GABRB3: variants seen among roughly 807,000 people sequenced by gnomAD.
GABRB3 encodes the protein gamma-aminobutyric acid receptor subunit beta-3.
In GABRB3, 14 loss-of-function variants were observed where a neutral mutation model predicts 52.1. That is an observed-to-expected ratio of 0.27 (90% CI 0.18 to 0.42). The LOEUF is 0.42. GABRB3 is among the 10% of genes least tolerant of loss of function. The probability of loss-of-function intolerance (pLI) is 1.00; values close to 1 mark genes in which losing one functional copy is unlikely to be tolerated. For synonymous variants in GABRB3, 260 were observed against 232.3 expected, an observed-to-expected ratio of 1.12 and a Z score of -1.08; for missense variants, 307 against 609.1, an observed-to-expected ratio of 0.50 and a Z score of 5.22.
intron 3 of GABRB3, among the ~76,000 whole-genome samples, chr15:26,716,368 C>T (rs1185721076): frequency 6.6e-6 from 1 of 152,182 alleles, no homozygotes; most frequent in East Asian, 1.9e-4. Context: ...GAACCACAGG[C>T]TCCTAAAACC....
At chr15:26,560,123 A>G (rs899579366) in intron 8 of GABRB3, among the ~76,000 whole-genome samples, 1 of 152,168 alleles carries the variant, frequency 6.6e-6, no homozygotes, top group Admixed American at 6.5e-5. Flanking sequence ...TTCTTTCCAG[A>G]CCCACAGGTT....
intron 3 of GABRB3, among the ~76,000 whole-genome samples, chr15:26,670,672 C>T (rs28537327): frequency 0.015 from 2,229 of 152,294 alleles, 55 homozygotes; most frequent in African/African-American, 0.051. Context: ...GAGGATGATA[C>T]TACTGACACT....
chr15:26,554,126 T>TGTATATATATATATAAA (rs1160471989), intron 8 of GABRB3, among the ~76,000 whole-genome samples: 5 of 26,224 alleles, frequency 1.9e-4, no homozygotes, highest in African/African-American at 4.2e-4. Flanking sequence ...AAAGTGTGTG[T>TGTATATATATATATAAA]GTATATATAT....
chr15:26,729,602 G>A (rs142226474), intron 3 of GABRB3, among the ~76,000 whole-genome samples: 250 of 152,294 alleles, frequency 1.6e-3, no homozygotes, highest in Middle Eastern at 0.014. Context: ...ATTCTCTGTG[G>A]ATGTGGAGGG....
At chr15:26,761,940 C>G (rs913667808) in intron 3 of GABRB3, among the ~76,000 whole-genome samples, 1 of 152,134 alleles carries the variant, frequency 6.6e-6, no homozygotes, top group African/African-American at 2.4e-5. Flanking sequence ...GTTCAAGATT[C>G]TTGTGACTCA....
chr15:26,773,536 C>T (rs925174009), upstream of GABRB3: 171 of 747,532 alleles, frequency 2.3e-4, 1 homozygote, highest in Admixed American at 7.8e-5. Context: ...CGACCACCGC[C>T]CGCTGCAGCG....
chr15:26,582,252 T>C (rs1890816142), intron 5 of GABRB3, among the ~76,000 whole-genome samples: 2 of 152,238 alleles, frequency 1.3e-5, no homozygotes, highest in Admixed American at 1.3e-4. Flanking sequence ...ACTGTGTGAC[T>C]TGACAGTTGA....
chr15:26,672,620 A>C (rs917916731), intron 3 of GABRB3, among the ~76,000 whole-genome samples: 5 of 151,776 alleles, frequency 3.3e-5, no homozygotes, highest in Non-Finnish European at 7.4e-5. Context: ...ACAGCCCTCC[A>C]CCTCCAGCCC....
At chr15:26,646,741 T>C (rs1261107690) in intron 3 of GABRB3, among the ~76,000 whole-genome samples, 1 of 152,236 alleles carries the variant, frequency 6.6e-6, no homozygotes, top group African/African-American at 2.4e-5. Context: ...ATGGTCATCC[T>C]AGCTGGAATT....
chr15:26,700,144 T>C (rs964482966), intron 3 of GABRB3, among the ~76,000 whole-genome samples: 3 of 151,698 alleles, frequency 2.0e-5, no homozygotes, highest in Admixed American at 6.6e-5. Context: ...TTACTAACAT[T>C]GGGAATAAAA....
At chr15:26,625,070 T>C in intron 3 of GABRB3, 1 of 536,278 alleles carries the variant, frequency 1.9e-6, no homozygotes, top group Non-Finnish European at 2.4e-6. Context: ...CCTCATCCAC[T>C]CCCTCCACTC....
chr15:26,555,523 C>A (rs559974963), intron 8 of GABRB3, among the ~76,000 whole-genome samples: 16 of 152,308 alleles, frequency 1.1e-4, no homozygotes, highest in Non-Finnish European at 2.9e-5. Flanking sequence ...TGCCCTTGAA[C>A]TCTAGTGAAG....
In GABRB3 at chr15:26,670,070, G is replaced by A. The variant is rs139661753; in HGVS notation, c.241-48536C>T. Among the ~76,000 whole-genome samples the A allele has an allele frequency of 7.3e-3, 1,115 of 152,340 alleles. 32 individuals carry two copies. Among genetic ancestry groups the A allele is most frequent in the Admixed American group, 0.049 (755 of 15,308 alleles). ...GTCACGGGCACAGAGCCACGTGAAGGGAGCTGCTCGAGCGCCCCGGAGCCT... is the reference window on the plus strand; with the variant it reads ...GTCACGGGCACAGAGCCACGTGAAGAGAGCTGCTCGAGCGCCCCGGAGCCT... On this transcript the variant is annotated intron_variant, in intron 3 of 8. Coordinates refer to ENST00000311550, the MANE Select transcript of GABRB3 (RefSeq NM_000814.6).
At chr15:26,731,895 G>A (rs1889925158) in intron 3 of GABRB3, among the ~76,000 whole-genome samples, 1 of 134,160 alleles carries the variant, frequency 7.5e-6, no homozygotes, top group African/African-American at 2.7e-5. Flanking sequence ...GGGTACTGAT[G>A]TTTATTTCCT....
At chr15:26,615,671 G>T in intron 4 of GABRB3, 1 of 823,270 alleles carries the variant, frequency 1.2e-6, no homozygotes, top group Non-Finnish European at 1.5e-6. Flanking sequence ...ACAGCCAAAG[G>T]TCTTCATCTA....
intron 3 of GABRB3, among the ~76,000 whole-genome samples, chr15:26,702,301 A>G (rs28890786): frequency 0.023 from 3,492 of 152,338 alleles, 137 homozygotes; most frequent in African/African-American, 0.08. Flanking sequence ...ACAGACTGGG[A>G]AAGAATATTT....
At chr15:26,692,606 C>G (rs1018880892) in intron 3 of GABRB3, among the ~76,000 whole-genome samples, 12 of 152,150 alleles carry the variant, frequency 7.9e-5, no homozygotes, top group African/African-American at 2.9e-4. Context: ...GTTTTGCACT[C>G]AAAGGCTTAT....
At chr15:26,755,614 G>A (rs920092727) in intron 3 of GABRB3, among the ~76,000 whole-genome samples, 1 of 152,112 alleles carries the variant, frequency 6.6e-6, no homozygotes, top group African/African-American at 2.4e-5. Context: ...TGTTTTTTGG[G>A]CTACAGTTGT....
intron 3 of GABRB3, among the ~76,000 whole-genome samples, chr15:26,654,626 T>A (rs1267007555): frequency 1.3e-5 from 2 of 151,952 alleles, no homozygotes; most frequent in Non-Finnish European, 2.9e-5. Context: ...CCAGCAGAGG[T>A]GGCACACACC....
Sources: gnomAD v4.1 joint callset for allele counts (sites outside exome capture counted in the v4.1 genomes callset) on GRCh38, gnomAD v4.1.1 for gene constraint, MANE v1.5 for transcripts, NCBI Gene and HGNC (gene_info 2026-07-23, HGNC 2026-07-21) for gene names.